CCDC85A: variants seen among roughly 807,000 people sequenced by gnomAD.
CCDC85A encodes the protein coiled-coil domain-containing protein 85A.
Under a neutral mutation model 50.2 loss-of-function variants are expected in CCDC85A, and 38 were observed. The observed-to-expected ratio is 0.76, with a 90% CI of 0.58 to 0.99. The LOEUF (loss-of-function observed/expected upper bound fraction) is 0.99. CCDC85A is among the 50% of genes least tolerant of loss of function. CCDC85A has a pLI of 0.00. For synonymous variants in CCDC85A, 366 were observed against 301.4 expected, an observed-to-expected ratio of 1.21 and a Z score of -2.22; for missense variants, 820 against 742.0, an observed-to-expected ratio of 1.11 and a Z score of -1.22.
intron 2 of CCDC85A, among the ~76,000 whole-genome samples, chr2:56,198,898 C>G (rs1676630250): frequency 6.6e-6 from 1 of 152,174 alleles, no homozygotes; most frequent in African/African-American, 2.4e-5. Flanking sequence ...GTTGGTCAAG[C>G]TAATGTTCAA....
At chr2:56,291,174 G>C (rs571132441) in intron 2 of CCDC85A, among the ~76,000 whole-genome samples, 11 of 152,192 alleles carry the variant, frequency 7.2e-5, no homozygotes, top group Non-Finnish European at 1.2e-4. Context: ...AGAATAATGA[G>C]AGAACTAAGA....
At chr2:56,277,781 G>A (rs1274093418) in intron 2 of CCDC85A, among the ~76,000 whole-genome samples, 5 of 152,186 alleles carry the variant, frequency 3.3e-5, no homozygotes, top group Admixed American at 3.3e-4. Flanking sequence ...GCCCCTTAAT[G>A]TTTTCTTCTT....
chr2:56,184,086 G>C lies in CCDC85A; in HGVS notation c.-539G>C, dbSNP rs1287263942. On this transcript the variant is annotated 5_prime_UTR_variant, in exon 1 of 6. Transcript: ENST00000407595. ...CGGCAGGAGGAGCGCAGCAGCCTTC[G>C]GGCAGCCGCGGCGGCGTCGCTAGAG... 7 of 985,358 alleles carry C rather than the reference G, an allele frequency of 7.1e-6. No individual in the cohort carries two copies. Among genetic ancestry groups the C allele is most frequent in the African/African-American group, 1.7e-5 (1 of 57,310 alleles). The allele number at this position is 985,358 out of a possible 1,614,324, so 61.0% of individuals were successfully genotyped here. A position where few individuals can be genotyped will look rare whatever the true frequency, so the allele number is the denominator to read the frequency against.
chr2:56,262,284 CATT>C (rs1670251155), intron 2 of CCDC85A, among the ~76,000 whole-genome samples: 1 of 150,302 alleles, frequency 6.7e-6, no homozygotes, highest in African/African-American at 2.4e-5. Context: ...CAAATTTTCT[CATT>C]GTTATTTTAG....
chr2:56,200,841 CAAGAAG>C (rs1466703756), intron 2 of CCDC85A, among the ~76,000 whole-genome samples: 4 of 151,882 alleles, frequency 2.6e-5, no homozygotes, highest in Non-Finnish European at 5.9e-5. Flanking sequence ...TGGAAGAATA[CAAGAAG>C]TCTTGGGACT....
At chr2:56,191,061 C>G (rs927058420) in intron 1 of CCDC85A, among the ~76,000 whole-genome samples, 1 of 152,200 alleles carries the variant, frequency 6.6e-6, no homozygotes, top group Admixed American at 6.5e-5. Flanking sequence ...TACTTGAGCT[C>G]TTGCTCTCAT....
In CCDC85A at chr2:56,353,753, T is replaced by C. The variant is rs1409911796; in HGVS notation, c.1317+10798T>C. On this transcript the variant is annotated intron_variant, in intron 3 of 5. Coordinates refer to ENST00000407595, the MANE Select transcript of CCDC85A (RefSeq NM_001080433.2). ...CCGATGAAGATCACTAAGCTGTCCTTTAAATCCAGTGCAACATTTTGAAGA... is the reference window on the plus strand; with the variant it reads ...CCGATGAAGATCACTAAGCTGTCCTCTAAATCCAGTGCAACATTTTGAAGA... Among the ~76,000 whole-genome samples the C allele has an allele frequency of 9.3e-4, 141 of 152,224 alleles. 1 individual carries two copies. Among genetic ancestry groups the C allele is most frequent in the Non-Finnish European group, 2.6e-4 (18 of 68,036 alleles).
At position 56,184,428 on chromosome 2, in the gene CCDC85A, G is replaced by T; in HGVS notation, c.-197G>T. The T allele has an allele frequency of 1.7e-6, 1 of 578,106 alleles. No individual in the cohort carries two copies. Among genetic ancestry groups the T allele is most frequent in the East Asian group, 4.1e-5 (1 of 24,182 alleles). The allele number at this position is 578,106 out of a possible 1,614,324, so 35.8% of individuals were successfully genotyped here. ...TGGCTGCCGGGCCCTGGGGGAGCGC[G>T]GGCGCGCGCGCGGGGATGGCGAGGT... On this transcript the variant is annotated 5_prime_UTR_variant, in exon 1 of 6. Coordinates refer to ENST00000407595, the MANE Select transcript of CCDC85A (RefSeq NM_001080433.2).
chr2:56,218,532 G>A (rs1203176228), intron 2 of CCDC85A, among the ~76,000 whole-genome samples: 1 of 151,836 alleles, frequency 6.6e-6, no homozygotes, highest in East Asian at 1.9e-4. Context: ...TCAACATGCT[G>A]TTTTGTAGTC....
chr2:56,369,918 C>T (rs529938670), intron 3 of CCDC85A, among the ~76,000 whole-genome samples: 6 of 152,200 alleles, frequency 3.9e-5, no homozygotes, highest in South Asian at 2.1e-4. Context: ...ACAGTTATAG[C>T]GAAACTTAAA....
In CCDC85A at chr2:56,193,214, T is replaced by C. The variant is rs1676381005; in HGVS notation, c.1014T>C (p.His338=). 1.2e-6 allele frequency: 2 copies of C among 1,611,498 alleles called. No individual in the cohort carries two copies. Among genetic ancestry groups the C allele is most frequent in the Non-Finnish European group, 1.7e-6 (2 of 1,179,422 alleles). ...GGCACAGTGGAGGGAGCCCGGAGCA[T>C]CTTCAGAAACACGCTCTTGGGGGGA... ...HARHSGGSPE[H]LQKHALGGSL... The change falls in exon 2 of 6, where the codon CAT becomes CAC. Residue 338 remains histidine, a synonymous_variant. Transcript: ENST00000407595.
chr2:56,297,232 T>C lies in CCDC85A; in HGVS notation c.1241-45647T>C, dbSNP rs146860277. Among the ~76,000 whole-genome samples, 596 of 152,234 alleles carry C rather than the reference T, an allele frequency of 3.9e-3. 2 individuals carry two copies. Among genetic ancestry groups the C allele is most frequent in the Non-Finnish European group, 5.8e-3 (394 of 68,026 alleles). On this transcript the variant is annotated intron_variant, in intron 2 of 5. Transcript: ENST00000407595. ...ATGAGAGGGAAGCCAAGAGCAAGGT[T>C]GCTTCTGTGAAATGGATTCTTACTG...
At chr2:56,359,051 A>T (rs1021836570) in intron 3 of CCDC85A, among the ~76,000 whole-genome samples, 2 of 149,884 alleles carry the variant, frequency 1.3e-5, no homozygotes, top group African/African-American at 5.0e-5. Context: ...CGATCCACCC[A>T]CCTTAGCCTC....
At chr2:56,231,754 A>G (rs1573065125) in intron 2 of CCDC85A, among the ~76,000 whole-genome samples, 1 of 152,154 alleles carries the variant, frequency 6.6e-6, no homozygotes, top group African/African-American at 2.4e-5. Flanking sequence ...TGTAGGAAAA[A>G]GATCCTGAAC....
chr2:56,306,931 C>G (rs1301471748), intron 2 of CCDC85A, among the ~76,000 whole-genome samples: 1 of 151,658 alleles, frequency 6.6e-6, no homozygotes, highest in African/African-American at 2.4e-5. Flanking sequence ...GACATTTTTT[C>G]TAGTTCAGGA....
chr2:56,356,747 A>G (rs1256036806), intron 3 of CCDC85A, among the ~76,000 whole-genome samples: 2 of 151,028 alleles, frequency 1.3e-5, no homozygotes, highest in Non-Finnish European at 1.5e-5. Context: ...AAAAAAAAAA[A>G]GAAAAGGACT....
intron 2 of CCDC85A, among the ~76,000 whole-genome samples, chr2:56,341,189 G>A (rs897940244): frequency 2.0e-5 from 3 of 152,148 alleles, no homozygotes; most frequent in Non-Finnish European, 4.4e-5. Flanking sequence ...ATTTCCAGAG[G>A]AAGATCATAT....
At chr2:56,338,330 G>T (rs1049482459) in intron 2 of CCDC85A, among the ~76,000 whole-genome samples, 9 of 152,042 alleles carry the variant, frequency 5.9e-5, no homozygotes, top group Non-Finnish European at 1.5e-5. Context: ...CTTCCCTTAG[G>T]TACAGCTATC....
intron 2 of CCDC85A, among the ~76,000 whole-genome samples, chr2:56,311,098 A>G (rs1672672407): frequency 6.6e-6 from 1 of 152,192 alleles, no homozygotes; most frequent in African/African-American, 2.4e-5. Context: ...TTATGACATA[A>G]GCTAGAAATA....
Sources: gnomAD v4.1 joint callset for allele counts (sites outside exome capture counted in the v4.1 genomes callset) on GRCh38, gnomAD v4.1.1 for gene constraint, MANE v1.5 for transcripts, NCBI Gene and HGNC (gene_info 2026-07-23, HGNC 2026-07-21) for gene names.